The following ADAMTS19 variants were observed in gnomAD, a reference collection of about 807,000 sequenced individuals.
ADAMTS19 encodes A disintegrin and metalloproteinase with thrombospondin motifs 19.
In ADAMTS19, 93 loss-of-function variants were observed where a neutral mutation model predicts 153.3. That is an observed-to-expected ratio of 0.61 (90% CI 0.51 to 0.72). The LOEUF is 0.72. Ranked by LOEUF, ADAMTS19 falls within the 30% of genes least tolerant of loss-of-function variation. The pLI is 0.00. For missense variants in ADAMTS19, 1,482 were observed against 1,552.1 expected, an observed-to-expected ratio of 0.95 and a Z score of 0.76; for synonymous variants, 600 against 556.6, an observed-to-expected ratio of 1.08 and a Z score of -1.10.
intron 16 of ADAMTS19, among the ~76,000 whole-genome samples, chr5:129,672,519 C>A (rs1310791668): frequency 6.6e-6 from 1 of 152,072 alleles, no homozygotes; most frequent in Non-Finnish European, 1.5e-5. Flanking sequence ...AAGGCCTTTA[C>A]AAAGTGGGAG....
In ADAMTS19 at chr5:129,561,123, A is replaced by T. The variant is rs1425213577; in HGVS notation, c.1372+9216A>T. On this transcript the variant is annotated intron_variant, in intron 7 of 22. Transcript: ENST00000274487. ...AGGACATGCATTCATAATTTTTACA[A>T]AAATTAGCTATATTATCTAGAACAA... 2.6e-5 allele frequency among the ~76,000 whole-genome samples: 4 copies of T among 152,216 alleles called. No homozygotes were observed. The East Asian group carries it at 7.7e-4, about 29-fold the overall frequency.
chr5:129,537,177 G>A (rs1752468631), intron 6 of ADAMTS19, among the ~76,000 whole-genome samples: 1 of 152,074 alleles, frequency 6.6e-6, no homozygotes, highest in Non-Finnish European at 1.5e-5. Context: ...ATGAAAAAAT[G>A]CTCATCATCG....
At chr5:129,520,607 CAG>C (rs943507403) in intron 3 of ADAMTS19, among the ~76,000 whole-genome samples, 5 of 152,046 alleles carry the variant, frequency 3.3e-5, no homozygotes, top group African/African-American at 9.7e-5. Context: ...AATAATTATT[CAG>C]AGTCTTACTC....
At chr5:129,688,894 T>C (rs1755207130) in intron 18 of ADAMTS19, among the ~76,000 whole-genome samples, 1 of 152,228 alleles carries the variant, frequency 6.6e-6, no homozygotes, top group South Asian at 2.1e-4. Context: ...TAAATTTATT[T>C]TGGCATCTCA....
chr5:129,546,397 A>T lies in ADAMTS19; in HGVS notation c.1329-5467A>T, dbSNP rs185666128. 4.0e-3 allele frequency among the ~76,000 whole-genome samples: 606 copies of T among 150,856 alleles called. 12 individuals carry two copies. The highest frequency in any genetic ancestry group is 6.7e-3 in the Admixed American group (102 of 15,208). On this transcript the variant is annotated intron_variant, in intron 6 of 22. Coordinates refer to ENST00000274487, the MANE Select transcript of ADAMTS19 (RefSeq NM_133638.6). ...AACTTAAAGTATAATAAAAAAAATT[A>T]AAAAAAAGAGAAGATAAATAAAAAC...
intron 8 of ADAMTS19, among the ~76,000 whole-genome samples, chr5:129,616,823 G>A (rs1398549003): frequency 6.6e-6 from 1 of 151,978 alleles, no homozygotes; most frequent in Non-Finnish European, 1.5e-5. Context: ...TACATGTAGA[G>A]GTACATTTCT....
chr5:129,716,883 T>G (rs1428871340), intron 21 of ADAMTS19, among the ~76,000 whole-genome samples: 1 of 152,212 alleles, frequency 6.6e-6, no homozygotes. Flanking sequence ...GGCTCAAAGC[T>G]TTCTGTATTG....
chr5:129,706,713 G>A (rs1418558927), intron 21 of ADAMTS19, among the ~76,000 whole-genome samples: 1 of 152,114 alleles, frequency 6.6e-6, no homozygotes, highest in Non-Finnish European at 1.5e-5. Flanking sequence ...ATACAATGCT[G>A]CATGTGGAAA....
At chr5:129,631,746 T>A (rs1752307287) in intron 10 of ADAMTS19, among the ~76,000 whole-genome samples, 2 of 152,060 alleles carry the variant, frequency 1.3e-5, no homozygotes, top group South Asian at 4.1e-4. Flanking sequence ...CTATTTCAAC[T>A]GAGCCTCTTG....
At position 129,641,925 on chromosome 5, in the gene ADAMTS19, C is replaced by A; in HGVS notation, c.1837C>A (p.Pro613Thr). ...GAAAGAATGCAGAACCAAGCTAGAC[C>A]CACCAATGGATGGAACTGACTGTGA... Reference protein sequence around the residue: ...GEKECRTKLDPPMDGTDCDLG... With the variant: ...GEKECRTKLDTPMDGTDCDLG... Residue 613 changes from proline to threonine, a missense_variant, in exon 11 of 23, where the codon CCA (proline) becomes ACA (threonine). This residue lies in a region of ADAMTS19 where 866 missense variants were observed against 827.7 expected (regional missense o/e 1.05). Transcript: ENST00000274487. The A allele has an allele frequency of 1.2e-6, 2 of 1,601,896 alleles. No homozygotes were observed. The highest frequency in any genetic ancestry group is 1.7e-6 in the Non-Finnish European group (2 of 1,173,268).
chr5:129,713,791 T>C (rs1756587754), intron 21 of ADAMTS19, among the ~76,000 whole-genome samples: 1 of 147,928 alleles, frequency 6.8e-6, no homozygotes, highest in African/African-American at 2.5e-5. Context: ...CAAAATGTTT[T>C]TAACAAACAG....
chr5:129,589,091 A>G (rs1400934882), intron 7 of ADAMTS19, among the ~76,000 whole-genome samples: 2 of 151,966 alleles, frequency 1.3e-5, no homozygotes, highest in Non-Finnish European at 2.9e-5. Flanking sequence ...AGTCTGAACA[A>G]TAGTAGAGTT....
intron 2 of ADAMTS19, among the ~76,000 whole-genome samples, chr5:129,469,816 A>G (rs1421096746): frequency 5.9e-5 from 9 of 152,174 alleles, no homozygotes. Context: ...CCTTATTAAT[A>G]AAATAACTGG....
intron 18 of ADAMTS19, 104 bp from the exon 19 acceptor site, chr5:129,694,616 A>C: frequency 1.3e-6 from 1 of 764,316 alleles, no homozygotes; most frequent in African/African-American, 1.8e-5. Flanking sequence ...AATTATAAAA[A>C]AGTTTTTTAA....
chr5:129,528,637 G>C lies in ADAMTS19; in HGVS notation c.1288G>C (p.Glu430Gln). 6.2e-7 allele frequency: 1 copy of C among 1,602,172 alleles called. No individual in the cohort carries two copies. Among genetic ancestry groups the C allele is most frequent in the Non-Finnish European group, 8.5e-7 (1 of 1,175,332 alleles). Residue 430 changes from glutamate (E) to glutamine (Q), a missense_variant, in exon 6 of 23, where the codon GAA becomes CAA. Physicochemically the swap from Glu to Gln is conservative, Grantham distance 29. Around this residue, in one of 2 missense-constraint regions of ADAMTS19, gnomAD observed 866 missense variants for 827.7 expected, o/e 1.05. Transcript: ENST00000274487. Reference sequence around the variant, plus strand: ...TTTAGAGATGTCAACAAACTGGGGGGAAGACATGACTTCAGTGGATGCAGC... The same window carrying C: ...TTTAGAGATGTCAACAAACTGGGGGCAAGACATGACTTCAGTGGATGCAGC... Reference protein sequence around the residue: ...IHLEMSTNWGEDMTSVDAAIL... With the variant: ...IHLEMSTNWGQDMTSVDAAIL...
chr5:129,563,773 T>C (rs1753605400), intron 7 of ADAMTS19, among the ~76,000 whole-genome samples: 1 of 152,176 alleles, frequency 6.6e-6, no homozygotes, highest in Non-Finnish European at 1.5e-5. Context: ...ATATTCAGTG[T>C]GGTAGACAGA....
intron 6 of ADAMTS19, among the ~76,000 whole-genome samples, chr5:129,548,347 C>T (rs1288108806): frequency 3.4e-5 from 5 of 149,010 alleles, no homozygotes; most frequent in Admixed American, 3.3e-4. Context: ...ACAAACAACC[C>T]CATCAAAAAG....
intron 7 of ADAMTS19, among the ~76,000 whole-genome samples, chr5:129,576,583 A>T (rs1029362161): frequency 3.4e-5 from 5 of 149,120 alleles, no homozygotes; most frequent in African/African-American, 1.2e-4. Flanking sequence ...AAATTGCTTT[A>T]TTCTTTTTTT....
intron 21 of ADAMTS19, among the ~76,000 whole-genome samples, chr5:129,705,072 G>A (rs1414141161): frequency 6.6e-6 from 1 of 152,058 alleles, no homozygotes; most frequent in Admixed American, 6.6e-5. Flanking sequence ...ATTTTGGGGT[G>A]AAAATAGATC....
Sources: allele counts gnomAD v4.1 joint callset (sites outside exome capture counted in the v4.1 genomes callset), GRCh38; gene constraint gnomAD v4.1.1; regional missense constraint gnomAD v4.1.1; transcripts MANE v1.5; gene names NCBI Gene and HGNC (gene_info 2026-07-23, HGNC 2026-07-21).